The following DIXDC1 variants were observed in gnomAD, a reference collection of about 807,000 sequenced individuals.
DIXDC1 encodes the protein DIX domain containing 1.
In DIXDC1, 64 loss-of-function variants were observed where a neutral mutation model predicts 103.1. The ratio of observed to expected loss-of-function variants is 0.62; its 90% CI spans 0.51 to 0.76. The LOEUF (loss-of-function observed/expected upper bound fraction) is 0.76, where lower values mean the gene tolerates loss of function less well. Ranked by LOEUF, DIXDC1 falls within the 30% of genes least tolerant of loss-of-function variation. The pLI, the probability that DIXDC1 is intolerant of heterozygous loss-of-function variation, is 0.00. For missense variants in DIXDC1, 759 were observed against 834.2 expected (o/e 0.91, Z 1.11); for synonymous variants, 266 against 298.5 (o/e 0.89, Z 1.12).
chr11:112,001,860 A>G (rs1220587759), intron 17 of DIXDC1, among the ~76,000 whole-genome samples: 1 of 151,194 alleles, frequency 6.6e-6, no homozygotes, highest in Non-Finnish European at 1.5e-5. Flanking sequence ...AGGTTCAAGC[A>G]ATTCTCCTGC....
chr11:111,999,401 C>T (rs1860996630), intron 17 of DIXDC1, among the ~76,000 whole-genome samples: 1 of 152,082 alleles, frequency 6.6e-6, no homozygotes, highest in South Asian at 2.1e-4. Flanking sequence ...GAAATGGGAC[C>T]CCCTACTTCA....
At chr11:111,939,053 C>T (rs889138711) in intron 1 of DIXDC1, among the ~76,000 whole-genome samples, 4 of 152,238 alleles carry the variant, frequency 2.6e-5, no homozygotes, top group Admixed American at 2.6e-4. Context: ...TGCCCCTGGT[C>T]TTTAGCTGCG....
intron 10 of DIXDC1, among the ~76,000 whole-genome samples, chr11:111,990,531 C>T (rs1860673006): frequency 6.6e-6 from 1 of 152,186 alleles, no homozygotes; most frequent in Non-Finnish European, 1.5e-5. Context: ...CGAGCTCATT[C>T]TATGTCAGTA....
At chr11:111,937,290 G>T (rs1359697692), upstream of DIXDC1, 3 of 1,323,516 alleles carry the variant, frequency 2.3e-6, no homozygotes, top group Non-Finnish European at 2.9e-6. Flanking sequence ...CCGCGACCGC[G>T]CCGGGCCCCT....
At chr11:111,973,556 T>G (rs60241330) in intron 3 of DIXDC1, among the ~76,000 whole-genome samples, 10,772 of 152,254 alleles carry the variant, frequency 0.071, 1,135 homozygotes, top group African/African-American at 0.22. Context: ...ACTTTTTAAG[T>G]GCTTGATAGC....
chr11:111,989,447 A>AC (rs1189339618), intron 10 of DIXDC1, among the ~76,000 whole-genome samples: 3 of 151,898 alleles, frequency 2.0e-5, no homozygotes, highest in African/African-American at 4.8e-5. Flanking sequence ...ACATGGTGAA[A>AC]CCCCATCTCT....
At chr11:111,952,881 T>A (rs1245542360) in intron 1 of DIXDC1, among the ~76,000 whole-genome samples, 5 of 151,132 alleles carry the variant, frequency 3.3e-5, no homozygotes, top group African/African-American at 1.2e-4. Context: ...CCTTAGCTAC[T>A]CTGGAGGATG....
intron 1 of DIXDC1, among the ~76,000 whole-genome samples, chr11:111,960,634 A>ACTTTTAACT (rs1384906827): frequency 6.6e-6 from 1 of 151,844 alleles, no homozygotes; most frequent in African/African-American, 2.4e-5. Flanking sequence ...AAACAGTAAT[A>ACTTTTAACT]CTTTTAACTA....
At chr11:111,950,022 G>A (rs374764320) in intron 1 of DIXDC1, among the ~76,000 whole-genome samples, 30 of 152,204 alleles carry the variant, frequency 2.0e-4, no homozygotes, top group African/African-American at 6.7e-4. Flanking sequence ...AGATAGTAGG[G>A]ACTCAAGAAT....
intron 1 of DIXDC1, among the ~76,000 whole-genome samples, chr11:111,955,050 G>A (rs1376274046): frequency 1.3e-5 from 2 of 151,838 alleles, no homozygotes; most frequent in Non-Finnish European, 2.9e-5. Context: ...ATATTACCTC[G>A]GTAGCAGTGA....
Position 111,958,349 on chromosome 11 carries a change from CT to C in DIXDC1, c.61-6199del, listed in dbSNP as rs1488152221. Among the ~76,000 whole-genome samples the C allele has an allele frequency of 6.6e-6, 1 of 152,202 alleles. No individual in the cohort carries two copies. The highest frequency in any genetic ancestry group is 1.5e-5 in the Non-Finnish European group (1 of 68,016). ...CTGTGGACCCAGGCATCGCTGCACT[CT>C]CAGGGGCTAGGCTTGGAAATGCTTG... On this transcript the variant is annotated intron_variant, in intron 1 of 19. Coordinates refer to ENST00000440460, the MANE Select transcript of DIXDC1 (RefSeq NM_001037954.4). The surrounding 1 kb of genome is among the most constrained non-coding windows in gnomAD (Gnocchi z 4.2).
At position 111,941,398 on chromosome 11, in the gene DIXDC1, C is replaced by G. The variant is rs587654108; in HGVS notation, c.60+3839C>G. Among the ~76,000 whole-genome samples, 39 of 152,250 alleles carry G rather than the reference C, an allele frequency of 2.6e-4. No individual in the cohort carries two copies. In the South Asian group the frequency reaches 7.9e-3, roughly 31 times the overall value. On this transcript the variant is annotated intron_variant, in intron 1 of 19. Transcript: ENST00000440460. ...GAAAATGATGGTTGACAGGAAATCA[C>G]TTGTCCGAACCTTAAGCTTTTGAAC...
At chr11:111,985,113 C>T (rs969557331) in intron 7 of DIXDC1, 119 bp from the exon 8 acceptor site, 8 of 806,536 alleles carry the variant, frequency 9.9e-6, no homozygotes, top group Non-Finnish European at 1.0e-5. Context: ...AAATTACCAA[C>T]GAAATGTCTT....
intron 17 of DIXDC1, among the ~76,000 whole-genome samples, chr11:112,014,627 A>T (rs1861530986): frequency 6.6e-6 from 1 of 152,146 alleles, no homozygotes; most frequent in Non-Finnish European, 1.5e-5. Flanking sequence ...GTGTATTGTA[A>T]TTATTTGTAA....
intron 4 of DIXDC1, 99 bp from the exon 5 acceptor site, chr11:111,974,777 G>A (rs1860044281): frequency 1.3e-6 from 2 of 1,537,780 alleles, no homozygotes; most frequent in Admixed American, 4.0e-5. Context: ...TTACTCATGT[G>A]TGTATACTGC....
At chr11:111,928,837 A>G (rs1965922367) in intron 1 of DIXDC1, among the ~76,000 whole-genome samples, 2 of 152,180 alleles carry the variant, frequency 1.3e-5, no homozygotes, top group South Asian at 4.1e-4. Flanking sequence ...GTCAAATAAG[A>G]TGATGTAGAT....
intron 7 of DIXDC1, among the ~76,000 whole-genome samples, chr11:111,984,694 C>G (rs1375627135): frequency 3.3e-5 from 5 of 152,190 alleles, no homozygotes; most frequent in African/African-American, 1.2e-4. Flanking sequence ...GGGTCAGGAG[C>G]TGAAATGAAT....
chr11:111,996,287 A>G, intron 17 of DIXDC1, 141 bp downstream of exon 17: 2 of 698,614 alleles, frequency 2.9e-6, no homozygotes, highest in Admixed American at 3.1e-5. Flanking sequence ...CAATACTGCA[A>G]TTGAGTTAGT....
In DIXDC1 at chr11:112,019,265, C is replaced by T. The variant is rs912730064; in HGVS notation, c.*229C>T. The T allele has an allele frequency of 1.8e-5, 7 of 395,780 alleles. No individual in the cohort carries two copies. Among genetic ancestry groups the T allele is most frequent in the South Asian group, 4.3e-5 (1 of 23,316 alleles). 24.5% of individuals were successfully genotyped at this position (395,780 alleles called of 1,614,324 possible). The stretch of plus-strand genomic sequence containing the variant: ...ATGGGTTCATCTGGAGTTCCTTGTC[C>T]GTGGGAACACAGTGTTCTATTCTAC... On this transcript the variant is annotated 3_prime_UTR_variant, in exon 20 of 20. Transcript: ENST00000440460.
Sources: allele counts gnomAD v4.1 joint callset (sites outside exome capture counted in the v4.1 genomes callset), GRCh38; gene constraint gnomAD v4.1.1; non-coding constraint Gnocchi (gnomAD v3.1); transcripts MANE v1.5; gene names NCBI Gene and HGNC (gene_info 2026-07-23, HGNC 2026-07-21).